The following ZBTB8OS variants were observed in gnomAD, a reference collection of about 807,000 sequenced individuals.
ZBTB8OS encodes the protein tRNA-splicing ligase-activating factor archease.
In ZBTB8OS, 16 loss-of-function variants were observed where a neutral mutation model predicts 29.3. That is an observed-to-expected ratio of 0.55 (90% CI 0.37 to 0.83). The LOEUF is 0.83. ZBTB8OS is among the 40% of genes least tolerant of loss of function. The pLI is 0.00. For synonymous variants in ZBTB8OS, 70 were observed against 64.6 expected, an observed-to-expected ratio of 1.08 and a Z score of -0.40; for missense variants, 160 against 196.9, an observed-to-expected ratio of 0.81 and a Z score of 1.12.
At chr1:32,636,692 GGA>G (rs1645991328) in intron 1 of ZBTB8OS, among the ~76,000 whole-genome samples, 2 of 131,520 alleles carry the variant, frequency 1.5e-5, no homozygotes, top group Non-Finnish European at 1.6e-5. Context: ...CTCAAAAAAT[GGA>G]AAAAAAAAAA....
intron 1 of ZBTB8OS, among the ~76,000 whole-genome samples, chr1:32,642,356 T>C (rs886551508): frequency 2.0e-5 from 3 of 151,676 alleles, no homozygotes; most frequent in African/African-American, 7.3e-5. Context: ...ATGCAAAAAT[T>C]AGCTGGGCGT....
intron 1 of ZBTB8OS, among the ~76,000 whole-genome samples, chr1:32,645,089 G>C (rs1174983008): frequency 1.3e-5 from 2 of 152,072 alleles, no homozygotes; most frequent in African/African-American, 4.8e-5. Context: ...TGAGGCAGGA[G>C]AATTGTTTGC....
rs77022402 is a variant in ZBTB8OS at position 32,645,793 on chromosome 1, A to G, written c.97+4640T>C. Among the ~76,000 whole-genome samples, 182 of 152,186 alleles carry G rather than the reference A, an allele frequency of 1.2e-3. 1 individual carries two copies. The East Asian group carries it at 0.034, about 28-fold the overall frequency. ...CTACAGGCTGGGGCCAGTTTTACCA[A>G]CCACTGATTTTGTACCACCAGTACA... On this transcript the variant is annotated intron_variant, in intron 1 of 6. Coordinates refer to ENST00000468695, the MANE Select transcript of ZBTB8OS (RefSeq NM_178547.5).
chr1:32,641,065 G>A (rs142402743), intron 1 of ZBTB8OS, among the ~76,000 whole-genome samples: 4,169 of 149,292 alleles, frequency 0.028, 60 homozygotes, highest in Non-Finnish European at 0.035. Context: ...CCAGCTAATC[G>A]GGAGGCCGAG....
At chr1:32,649,237 G>T (rs992715518) in intron 1 of ZBTB8OS, among the ~76,000 whole-genome samples, 4 of 151,958 alleles carry the variant, frequency 2.6e-5, no homozygotes, top group African/African-American at 9.7e-5. Flanking sequence ...CAAAGTGCTG[G>T]GATTATAAGT....
chr1:32,622,664 C>T (rs1183587701), intron 6 of ZBTB8OS, among the ~76,000 whole-genome samples: 1 of 150,990 alleles, frequency 6.6e-6, no homozygotes, highest in Non-Finnish European at 1.5e-5. Context: ...ACCCCCACAA[C>T]ATGCAATTTA....
At chr1:32,641,967 A>G (rs765471908) in intron 1 of ZBTB8OS, among the ~76,000 whole-genome samples, 1 of 152,004 alleles carries the variant, frequency 6.6e-6, no homozygotes, top group Non-Finnish European at 1.5e-5. Context: ...ACATACTTCC[A>G]ATTTTGTTAC....
At chr1:32,641,683 G>A (rs1320283571) in intron 1 of ZBTB8OS, among the ~76,000 whole-genome samples, 3 of 150,568 alleles carry the variant, frequency 2.0e-5, no homozygotes, top group African/African-American at 7.3e-5. Context: ...GGAGGCCGAG[G>A]CGGGCGGATC....
chr1:32,640,152 A>G (rs1454650220), intron 1 of ZBTB8OS: 1 of 151,996 alleles, frequency 6.6e-6, no homozygotes. Flanking sequence ...GCTGGAGTGC[A>G]GTGGTGCAAT....
intron 1 of ZBTB8OS, among the ~76,000 whole-genome samples, chr1:32,641,082 G>T (rs7365411): frequency 0.63 from 94,067 of 149,648 alleles, 33,431 homozygotes; most frequent in Non-Finnish European, 0.79. Context: ...CGAGGCAGAA[G>T]AATCCCTTGA....
chr1:32,622,496 C>T (rs941090301), intron 6 of ZBTB8OS, among the ~76,000 whole-genome samples: 5 of 152,076 alleles, frequency 3.3e-5, no homozygotes, highest in Non-Finnish European at 5.9e-5. Flanking sequence ...ACCATGTTTC[C>T]ATATATTTAT....
Position 32,637,441 on chromosome 1 carries a change from G to A in ZBTB8OS, c.98-2649C>T, listed in dbSNP as rs921424980. Among the ~76,000 whole-genome samples, 29 of 151,892 alleles carry A rather than the reference G, an allele frequency of 1.9e-4. 1 individual carries two copies. The highest frequency in any genetic ancestry group is 6.2e-4 in the South Asian group (3 of 4,808). Reference sequence around the variant, plus strand: ...AAATGAGCTGGGCGTGGTGGCACCCGCCTGTAGTCCCAGCTACTCCGGAAG... The same window carrying A: ...AAATGAGCTGGGCGTGGTGGCACCCACCTGTAGTCCCAGCTACTCCGGAAG... On this transcript the variant is annotated intron_variant, in intron 1 of 6. Transcript: ENST00000468695.
At chr1:32,623,630 AC>A (rs1355474409) in intron 6 of ZBTB8OS, among the ~76,000 whole-genome samples, 1 of 151,950 alleles carries the variant, frequency 6.6e-6, no homozygotes, top group Non-Finnish European at 1.5e-5. Context: ...TACTCCCCTT[AC>A]CAAATTTTAC....
intron 1 of ZBTB8OS, among the ~76,000 whole-genome samples, chr1:32,638,482 G>A (rs752981229): frequency 3.9e-5 from 6 of 151,982 alleles, no homozygotes; most frequent in Non-Finnish European, 8.8e-5. Flanking sequence ...GAGCCACTGC[G>A]ACCAGCCCAG....
At position 32,643,468 on chromosome 1, in the gene ZBTB8OS, C is replaced by G. The variant is rs1646593217; in HGVS notation, c.97+6965G>C. The stretch of plus-strand genomic sequence containing the variant: ...AGTACAGTGGCACAATCATGGCTCA[C>G]AGCAGCCTTGACCTCCTGGGCTCAA... On this transcript the variant is annotated intron_variant, in intron 1 of 6. Coordinates refer to ENST00000468695, the MANE Select transcript of ZBTB8OS (RefSeq NM_178547.5). 2.6e-5 allele frequency among the ~76,000 whole-genome samples: 4 copies of G among 151,846 alleles called. No individual in the cohort carries two copies. The South Asian group carries it at 8.3e-4, about 32-fold the overall frequency.
intron 1 of ZBTB8OS, among the ~76,000 whole-genome samples, chr1:32,649,485 A>G (rs1647116588): frequency 6.6e-6 from 1 of 152,080 alleles, no homozygotes; most frequent in Non-Finnish European, 1.5e-5. Context: ...AACGTTTAAT[A>G]TAGAATTTAA....
intron 1 of ZBTB8OS, among the ~76,000 whole-genome samples, chr1:32,636,713 G>A (rs57113554): frequency 0.065 from 9,821 of 150,876 alleles, 1,171 homozygotes; most frequent in African/African-American, 0.23. Flanking sequence ...AAAAAGGTGG[G>A]GGGGAAGAAG....
At chr1:32,645,047 C>T (rs1275254520) in intron 1 of ZBTB8OS, among the ~76,000 whole-genome samples, 2 of 151,722 alleles carry the variant, frequency 1.3e-5, no homozygotes, top group Non-Finnish European at 1.5e-5. Flanking sequence ...GGCATGGTGG[C>T]GTGTGCCTGC....
At chr1:32,649,383 G>A (rs1476439281) in intron 1 of ZBTB8OS, among the ~76,000 whole-genome samples, 1 of 152,062 alleles carries the variant, frequency 6.6e-6, no homozygotes, top group African/African-American at 2.4e-5. Flanking sequence ...TTACAGAGAG[G>A]ACAATGAGAA....
Sources: allele counts gnomAD v4.1 joint callset (sites outside exome capture counted in the v4.1 genomes callset), GRCh38; gene constraint gnomAD v4.1.1; transcripts MANE v1.5; gene names NCBI Gene and HGNC (gene_info 2026-07-23, HGNC 2026-07-21).